Variants in HCN1 observed in about 807,000 individuals in gnomAD.
The protein encoded by HCN1 is potassium/sodium hyperpolarization-activated cyclic nucleotide-gated channel 1.
HCN1 carries 13 observed loss-of-function variants against 78.9 expected under a neutral mutation model. The observed-to-expected ratio is 0.16, with a 90% CI of 0.11 to 0.26. The LOEUF (loss-of-function observed/expected upper bound fraction) is 0.26, where lower values mean the gene tolerates loss of function less well. HCN1 is among the 10% of genes least tolerant of loss of function. The pLI is 1.00. For missense variants in HCN1, 810 were observed against 1,154.3 expected, an observed-to-expected ratio of 0.70 and a Z score of 4.32; for synonymous variants, 552 against 455.5, an observed-to-expected ratio of 1.21 and a Z score of -2.70.
intron 2 of HCN1, among the ~76,000 whole-genome samples, chr5:45,606,033 T>C (rs1744721335): frequency 6.6e-6 from 1 of 151,940 alleles, no homozygotes; most frequent in Admixed American, 6.6e-5. Context: ...AACTTTCACC[T>C]CAAACTTTGT....
intron 4 of HCN1, among the ~76,000 whole-genome samples, chr5:45,383,431 C>T (rs1428338615): frequency 1.3e-5 from 2 of 152,162 alleles, no homozygotes; most frequent in African/African-American, 2.4e-5. Context: ...CACGATGGCT[C>T]ATGCCTGTAA....
chr5:45,690,962 T>G (rs1739900453), intron 1 of HCN1, among the ~76,000 whole-genome samples: 1 of 152,108 alleles, frequency 6.6e-6, no homozygotes. Flanking sequence ...TTCAGAATGA[T>G]AAGATTATCA....
At chr5:45,615,885 C>T (rs1744939625) in intron 2 of HCN1, among the ~76,000 whole-genome samples, 1 of 151,666 alleles carries the variant, frequency 6.6e-6, no homozygotes, top group African/African-American at 2.4e-5. Context: ...GCTTGAAATG[C>T]AACAGTTATT....
intron 2 of HCN1, among the ~76,000 whole-genome samples, chr5:45,487,019 T>C (rs1014969441): frequency 2.0e-5 from 3 of 152,108 alleles, no homozygotes; most frequent in African/African-American, 7.2e-5. Context: ...GTGTTTCCTG[T>C]AAGTCGTCAG....
chr5:45,452,448 C>T (rs1464386464), intron 3 of HCN1, among the ~76,000 whole-genome samples: 1 of 150,560 alleles, frequency 6.6e-6, no homozygotes, highest in Non-Finnish European at 1.5e-5. Flanking sequence ...AGTATAGTAC[C>T]CAGAATAAAT....
intron 3 of HCN1, among the ~76,000 whole-genome samples, chr5:45,412,455 C>A (rs565625264): frequency 1.8e-4 from 27 of 152,010 alleles, no homozygotes; most frequent in Non-Finnish European, 2.2e-4. Context: ...TCAAGGGAGA[C>A]AACTGCAATC....
At chr5:45,667,025 C>T (rs1373775190) in intron 1 of HCN1, among the ~76,000 whole-genome samples, 1 of 151,946 alleles carries the variant, frequency 6.6e-6, no homozygotes, top group African/African-American at 2.4e-5. Flanking sequence ...AAAAACATGA[C>T]ATATTCCACA....
chr5:45,534,404 C>CAAAAAAAAAAAAAAAAAAAAAAA (rs71000637), intron 2 of HCN1, among the ~76,000 whole-genome samples: 2 of 29,298 alleles, frequency 6.8e-5, no homozygotes, highest in Non-Finnish European at 5.4e-5. Flanking sequence ...GACTGCATCT[C>CAAAAAAAAAAAAAAAAAAAAAAA]AAAAAAAAAA....
chr5:45,350,489 A>C (rs928788867), intron 5 of HCN1, among the ~76,000 whole-genome samples: 2 of 151,506 alleles, frequency 1.3e-5, no homozygotes, highest in Admixed American at 6.6e-5. Flanking sequence ...CTCTCTCACC[A>C]CTCCTATTCA....
intron 2 of HCN1, among the ~76,000 whole-genome samples, chr5:45,523,284 G>T (rs1156653457): frequency 6.6e-6 from 1 of 152,120 alleles, no homozygotes; most frequent in Non-Finnish European, 1.5e-5. Flanking sequence ...TTGGTTCCCA[G>T]TCTTTGCTAT....
chr5:45,660,242 C>A (rs1231105409), intron 1 of HCN1, among the ~76,000 whole-genome samples: 1 of 112,186 alleles, frequency 8.9e-6, no homozygotes, highest in Non-Finnish European at 1.8e-5. Flanking sequence ...ACTTTATAGA[C>A]AAGCAAATGC....
intron 3 of HCN1, among the ~76,000 whole-genome samples, chr5:45,409,027 A>T (rs1332393256): frequency 6.6e-6 from 1 of 152,100 alleles, no homozygotes; most frequent in Admixed American, 6.6e-5. Context: ...TTCTTTTACC[A>T]TATATGAGAG....
chr5:45,655,713 C>A (rs1745751639), intron 1 of HCN1, among the ~76,000 whole-genome samples: 1 of 152,052 alleles, frequency 6.6e-6, no homozygotes. Context: ...TTCCCAGAGG[C>A]TCAAAGTGAT....
chr5:45,374,077 ATCTATTACATATATG>A (rs1747523572), intron 4 of HCN1, among the ~76,000 whole-genome samples: 1 of 105,250 alleles, frequency 9.5e-6, no homozygotes, highest in African/African-American at 3.7e-5. Context: ...TATATATAAT[ATCTATTACATATATG>A]TATATAATAT....
intron 3 of HCN1, among the ~76,000 whole-genome samples, chr5:45,445,572 C>T (rs1253662325): frequency 3.3e-5 from 5 of 152,204 alleles, no homozygotes; most frequent in Admixed American, 6.5e-5. Flanking sequence ...TGAGAATGGG[C>T]AGACTGCCTC....
intron 2 of HCN1, among the ~76,000 whole-genome samples, chr5:45,610,602 CATCTT>C (rs1249420769): frequency 6.7e-6 from 1 of 149,588 alleles, no homozygotes; most frequent in African/African-American, 2.4e-5. Flanking sequence ...AAATGCCAGA[CATCTT>C]ATGGTGAAAT....
At chr5:45,642,393 T>A (rs1222327233) in intron 2 of HCN1, 1 of 152,086 alleles carries the variant, frequency 6.6e-6, no homozygotes, top group Non-Finnish European at 1.5e-5. Context: ...TTCATAATAT[T>A]TTTCTAATTT....
chr5:45,392,943 G>C (rs1739613233), intron 4 of HCN1, among the ~76,000 whole-genome samples: 1 of 151,940 alleles, frequency 6.6e-6, no homozygotes. Flanking sequence ...ATCAATATTT[G>C]AATCTAGGTA....
In HCN1 at chr5:45,480,314, T is replaced by C. The variant is rs900315002; in HGVS notation, c.850-18307A>G. ...CCATTCTGTAGTTTTCATAAGCTGG[T>C]TTGTGTTATTGTTTTAATTAAGTAT... On this transcript the variant is annotated intron_variant, in intron 2 of 7. Transcript: ENST00000303230. 5.9e-5 allele frequency among the ~76,000 whole-genome samples: 9 copies of C among 152,304 alleles called. No homozygotes were observed. In the South Asian group the frequency reaches 1.9e-3, roughly 32 times the overall value.
Sources: gnomAD v4.1 joint callset for allele counts (sites outside exome capture counted in the v4.1 genomes callset) on GRCh38, gnomAD v4.1.1 for gene constraint, MANE v1.5 for transcripts, NCBI Gene and HGNC (gene_info 2026-07-23, HGNC 2026-07-21) for gene names.